MCPH1: variants seen among roughly 807,000 people sequenced by gnomAD.
The protein encoded by MCPH1 is microcephalin.
In MCPH1, 104 loss-of-function variants were observed where a neutral mutation model predicts 84.5. That is an observed-to-expected ratio of 1.23 (90% CI 1.05 to 1.45). MCPH1 has a LOEUF of 1.45. Among genes scored for constraint, MCPH1 ranks in the 40% most tolerant of loss-of-function variants. MCPH1 has a pLI of 0.00. For missense variants in MCPH1, 1,498 were observed against 1,005.7 expected (o/e 1.49, Z -6.62); for synonymous variants, 514 against 366.8 (o/e 1.40, Z -4.58).
chr8:6,584,367 A>G lies in MCPH1; in HGVS notation c.2215-37087A>G, dbSNP rs181286432. ...TAAAAAGCTGAAAGTTAATGCAAAC[A>G]GTAGTCGCCCCCAAAACATATACCA... On this transcript the variant is annotated intron_variant, in intron 12 of 13. Coordinates refer to ENST00000344683, the MANE Select transcript of MCPH1 (RefSeq NM_024596.5). Among the ~76,000 whole-genome samples the G allele has an allele frequency of 8.3e-3, 1,264 of 152,332 alleles. 19 individuals are homozygous for G. Among genetic ancestry groups the G allele is most frequent in the Non-Finnish European group, 8.6e-3 (586 of 68,020 alleles).
At chr8:6,464,239 CAG>C (rs1483265347) in intron 9 of MCPH1, among the ~76,000 whole-genome samples, 1 of 152,148 alleles carries the variant, frequency 6.6e-6, no homozygotes, top group Non-Finnish European at 1.5e-5. Context: ...TCACTTTTGG[CAG>C]AGTGTACCCA....
Position 6,621,354 on chromosome 8 carries a change from A to G in MCPH1, c.2215-100A>G, listed in dbSNP as rs1260130855. On this transcript the variant is annotated intron_variant, in intron 12 of 13. Transcript: ENST00000344683. ...AGCATGGCAGCCTTACATTCAGTCTATTCTTTTCATAAAAAAGGAAGTAAA... is the reference window on the plus strand; with the variant it reads ...AGCATGGCAGCCTTACATTCAGTCTGTTCTTTTCATAAAAAAGGAAGTAAA... 1.2e-5 allele frequency: 17 copies of G among 1,423,450 alleles called. No homozygotes were observed. In the Admixed American group the frequency reaches 1.3e-4, roughly 11 times the overall value. The allele number at this position is 1,423,450 out of a possible 1,614,324, so 88.2% of individuals were successfully genotyped here.
intron 12 of MCPH1, among the ~76,000 whole-genome samples, chr8:6,538,045 T>G (rs1341273245): frequency 6.6e-6 from 1 of 152,196 alleles, no homozygotes; most frequent in Non-Finnish European, 1.5e-5. Flanking sequence ...TGGAAACTTT[T>G]TACTGTTGCC....
At chr8:6,416,094 C>G (rs1376695212) in intron 3 of MCPH1, among the ~76,000 whole-genome samples, 1 of 152,098 alleles carries the variant, frequency 6.6e-6, no homozygotes, top group Non-Finnish European at 1.5e-5. Flanking sequence ...AAGTTGTTAG[C>G]TGTTAGTGTA....
At chr8:6,511,121 C>T (rs1022613283) in intron 12 of MCPH1, among the ~76,000 whole-genome samples, 1 of 152,164 alleles carries the variant, frequency 6.6e-6, no homozygotes, top group African/African-American at 2.4e-5. Flanking sequence ...AAATTATCCC[C>T]AGAGGCAAGA....
intron 5 of MCPH1, 22 bp downstream of exon 5, chr8:6,436,184 A>G (rs777731410): frequency 2.5e-6 from 4 of 1,609,426 alleles, no homozygotes; most frequent in Non-Finnish European, 2.5e-6. Flanking sequence ...AATATAATAC[A>G]GTTCTTTGCA....
intron 13 of MCPH1, 148 bp from the exon 14 acceptor site, chr8:6,642,846 G>A: frequency 1.4e-6 from 1 of 727,084 alleles, no homozygotes; most frequent in Non-Finnish European, 2.5e-6. Flanking sequence ...AAAGGTATGT[G>A]TGCTCTATGG....
chr8:6,417,261 A>T (rs1799445069), intron 3 of MCPH1, among the ~76,000 whole-genome samples: 1 of 152,136 alleles, frequency 6.6e-6, no homozygotes, highest in South Asian at 2.1e-4. Context: ...GGGATTGGTA[A>T]AGTTTTCTGT....
At chr8:6,425,050 G>C (rs1418998177) in intron 3 of MCPH1, among the ~76,000 whole-genome samples, 2 of 152,208 alleles carry the variant, frequency 1.3e-5, no homozygotes, top group Non-Finnish European at 2.9e-5. Flanking sequence ...ATGCAGGATT[G>C]GCCCAGGTGA....
intron 5 of MCPH1, 89 bp from the exon 6 acceptor site, chr8:6,438,864 G>C: frequency 8.4e-7 from 1 of 1,190,780 alleles, no homozygotes; most frequent in Non-Finnish European, 1.2e-6. Flanking sequence ...GGAAAACGGG[G>C]TGTGGGGGGT....
chr8:6,541,901 A>AGGT (rs1821645851), intron 12 of MCPH1, among the ~76,000 whole-genome samples: 1 of 151,740 alleles, frequency 6.6e-6, no homozygotes, highest in Non-Finnish European at 1.5e-5. Context: ...CTAGCTACTC[A>AGGT]GGAGGCTAAG....
At chr8:6,549,009 G>A (rs192912540) in intron 12 of MCPH1, among the ~76,000 whole-genome samples, 1 of 152,158 alleles carries the variant, frequency 6.6e-6, no homozygotes, top group Non-Finnish European at 1.5e-5. Context: ...TTGGTTCTGG[G>A]CATCACGGAA....
chr8:6,513,739 C>T (rs2129567598), intron 12 of MCPH1: 1 of 1,613,984 alleles, frequency 6.2e-7, no homozygotes, highest in East Asian at 2.2e-5. Flanking sequence ...GCCTCATTCC[C>T]TTCCCAGTCT....
intron 12 of MCPH1, chr8:6,514,910 T>C: frequency 1.5e-6 from 1 of 674,438 alleles, no homozygotes; most frequent in Non-Finnish European, 2.6e-6. Flanking sequence ...AGGCACGGAG[T>C]AGACCATCGG....
At chr8:6,461,323 G>C (rs186637147) in intron 9 of MCPH1, among the ~76,000 whole-genome samples, 1 of 106,688 alleles carries the variant, frequency 9.4e-6, no homozygotes, top group African/African-American at 3.4e-5. Flanking sequence ...AATTTGTTGA[G>C]ACTTTTTTTT....
At chr8:6,536,390 C>G (rs1406967090) in intron 12 of MCPH1, among the ~76,000 whole-genome samples, 1 of 98,422 alleles carries the variant, frequency 1.0e-5, no homozygotes, top group African/African-American at 3.9e-5. Context: ...CCGCTTCATA[C>G]TTTTCCAGCC....
In MCPH1 at chr8:6,445,354, T is replaced by G; in HGVS notation, c.1632T>G (p.Pro544=). 6.2e-7 allele frequency: 1 copy of G among 1,614,236 alleles called. No individual in the cohort carries two copies. The highest frequency in any genetic ancestry group is 8.5e-7 in the Non-Finnish European group (1 of 1,180,048). The change falls in exon 8 of 14, where the codon CCT becomes CCG. Residue 544 remains proline (P), a synonymous_variant. Coordinates refer to ENST00000344683, the MANE Select transcript of MCPH1 (RefSeq NM_024596.5). ...LPKGHDDDLT[P]LEGSLEEMKE... ...AAGGACATGATGATGATTTAACTCC[T>G]TTGGAAGGAAGCCTTGAAGAAATGA...
At chr8:6,445,717 G>A in intron 8 of MCPH1, 170 bp downstream of exon 8, 1 of 1,410,264 alleles carries the variant, frequency 7.1e-7, no homozygotes, top group East Asian at 2.6e-5. Flanking sequence ...AGGAATAGAT[G>A]ACTTGCTGTC....
intron 6 of MCPH1, among the ~76,000 whole-genome samples, chr8:6,439,646 C>G (rs530467496): frequency 9.3e-4 from 141 of 152,242 alleles, no homozygotes; most frequent in African/African-American, 3.1e-3. Flanking sequence ...ATACACCCGC[C>G]TCGGCCTCCC....
Sources: gnomAD v4.1 joint callset for allele counts (sites outside exome capture counted in the v4.1 genomes callset) on GRCh38, gnomAD v4.1.1 for gene constraint, MANE v1.5 for transcripts, NCBI Gene and HGNC (gene_info 2026-07-23, HGNC 2026-07-21) for gene names.